PARD3: variants seen among roughly 807,000 people sequenced by gnomAD.
PARD3 encodes par-3 family cell polarity regulator.
Under a neutral mutation model 155.4 loss-of-function variants are expected in PARD3, and 75 were observed. The ratio of observed to expected loss-of-function variants is 0.48; its 90% CI spans 0.40 to 0.58. The LOEUF (loss-of-function observed/expected upper bound fraction) is 0.58. Ranked by LOEUF, PARD3 falls within the 20% of genes least tolerant of loss-of-function variation. PARD3 has a pLI of 0.00. For missense variants in PARD3, 1,642 were observed against 1,721.7 expected (o/e 0.95, Z 0.82); for synonymous variants, 576 against 610.5 (o/e 0.94, Z 0.83).
At chr10:34,548,702 C>T (rs1400432873) in intron 2 of PARD3, among the ~76,000 whole-genome samples, 5 of 151,932 alleles carry the variant, frequency 3.3e-5, no homozygotes, top group Non-Finnish European at 5.9e-5. Flanking sequence ...ACTTGCCATA[C>T]TTTTCTCTGA....
rs192130746 is a variant in PARD3 at position 34,274,966 on chromosome 10, C to T, written c.3177-5067G>A. 3.4e-3 allele frequency among the ~76,000 whole-genome samples: 518 copies of T among 152,224 alleles called. 3 individuals are homozygous for T. The highest frequency in any genetic ancestry group is 0.022 in the South Asian group (107 of 4,818). On this transcript the variant is annotated intron_variant, in intron 21 of 24. Transcript: ENST00000374788. ...TTCTGGATTTGAATATTCTTTTGTTCCAAATGACGCAGAAAATAATATTAA... is the reference window on the plus strand; with the variant it reads ...TTCTGGATTTGAATATTCTTTTGTTTCAAATGACGCAGAAAATAATATTAA...
chr10:34,287,769 T>A (rs1480420988), intron 20 of PARD3, among the ~76,000 whole-genome samples: 2 of 152,220 alleles, frequency 1.3e-5, no homozygotes, highest in African/African-American at 2.4e-5. Context: ...AAGAGTAGGT[T>A]CCTGATTCAT....
At chr10:34,803,876 G>C (rs2134356859) in intron 1 of PARD3, among the ~76,000 whole-genome samples, 1 of 152,098 alleles carries the variant, frequency 6.6e-6, no homozygotes, top group East Asian at 1.9e-4. Context: ...AGTTTCCTTG[G>C]AAAAAATATT....
intron 3 of PARD3, among the ~76,000 whole-genome samples, chr10:34,488,046 C>T (rs149942296): frequency 2.0e-5 from 3 of 152,178 alleles, no homozygotes; most frequent in South Asian, 2.1e-4. Flanking sequence ...TATATAAAAG[C>T]GTAATCTTTT....
intron 20 of PARD3, among the ~76,000 whole-genome samples, chr10:34,300,500 G>C (rs1957097117): frequency 6.6e-6 from 1 of 151,936 alleles, no homozygotes; most frequent in South Asian, 2.1e-4. Flanking sequence ...ACAAATAAAT[G>C]AATGAATGAA....
At chr10:34,166,841 G>GT (rs1305201793) in intron 22 of PARD3, among the ~76,000 whole-genome samples, 2 of 152,078 alleles carry the variant, frequency 1.3e-5, no homozygotes, top group African/African-American at 4.8e-5. Context: ...TGTAAGGTGT[G>GT]TTTTTTCCTC....
chr10:34,471,015 A>T (rs1377365471), intron 3 of PARD3, among the ~76,000 whole-genome samples: 1 of 152,216 alleles, frequency 6.6e-6, no homozygotes, highest in Non-Finnish European at 1.5e-5. Context: ...ATCAATTTTT[A>T]AAAATCTATA....
chr10:34,752,794 T>C (rs1836223255), intron 1 of PARD3, among the ~76,000 whole-genome samples: 1 of 152,214 alleles, frequency 6.6e-6, no homozygotes, highest in Non-Finnish European at 1.5e-5. Context: ...ATTTAGTAAT[T>C]AACAGAAGAC....
At chr10:34,526,831 G>T (rs187001412) in intron 2 of PARD3, among the ~76,000 whole-genome samples, 1 of 152,104 alleles carries the variant, frequency 6.6e-6, no homozygotes, top group Non-Finnish European at 1.5e-5. Context: ...ATCCAGTGTC[G>T]TCAGAAACAA....
intron 2 of PARD3, among the ~76,000 whole-genome samples, chr10:34,523,936 C>T (rs1268450261): frequency 6.6e-6 from 1 of 152,114 alleles, no homozygotes; most frequent in African/African-American, 2.4e-5. Context: ...TGCCCTTTCA[C>T]TCAAGGATGT....
Position 34,470,164 on chromosome 10 carries a change from T to C in PARD3, c.503A>G (p.Lys168Arg), listed in dbSNP as rs1274732628. ...SNFSSEEPSR[K>R]NPTRWSTTAG... is the part of the protein sequence containing the mutation. The stretch of plus-strand genomic sequence containing the variant: ...TGTTGTTGACCAGCGTGTGGGATTT[T>C]TCCTTGAAGGCTCTTCAGAGGAAAA... The change falls in exon 4 of 25, where the codon AAA (lysine) becomes AGA (arginine). Residue 168 changes from lysine to arginine, a missense_variant. Coordinates refer to ENST00000374788, the MANE Select transcript of PARD3 (RefSeq NM_001184785.2). 6.2e-7 allele frequency: 1 copy of C among 1,613,536 alleles called. No individual in the cohort carries two copies. Among genetic ancestry groups the C allele is most frequent in the Admixed American group, 1.7e-5 (1 of 59,956 alleles).
intron 5 of PARD3, among the ~76,000 whole-genome samples, chr10:34,407,743 G>C (rs12249175): frequency 0.023 from 3,457 of 152,046 alleles, 128 homozygotes; most frequent in African/African-American, 0.078. Flanking sequence ...TGAGACAGGG[G>C]GATCACTTGA....
At chr10:34,478,967 C>T (rs117151905) in intron 3 of PARD3, among the ~76,000 whole-genome samples, 3,251 of 152,150 alleles carry the variant, frequency 0.021, 61 homozygotes, top group Non-Finnish European at 0.032. Flanking sequence ...CTTCTAAACA[C>T]TCACCTGAGT....
intron 20 of PARD3, among the ~76,000 whole-genome samples, chr10:34,295,630 G>A (rs17555548): frequency 0.017 from 2,525 of 152,232 alleles, 26 homozygotes; most frequent in Middle Eastern, 0.051. Flanking sequence ...GCTTTTGCAG[G>A]ATATCATTAT....
chr10:34,569,427 A>G (rs751545374), intron 2 of PARD3, among the ~76,000 whole-genome samples: 1 of 151,980 alleles, frequency 6.6e-6, no homozygotes, highest in Non-Finnish European at 1.5e-5. Flanking sequence ...ATATATATAT[A>G]TTTTTTTGGA....
At chr10:34,199,746 C>T (rs189604155) in intron 22 of PARD3, among the ~76,000 whole-genome samples, 1 of 152,254 alleles carries the variant, frequency 6.6e-6, no homozygotes, top group East Asian at 1.9e-4. Flanking sequence ...GCAAGCTTTC[C>T]CTTCTGAGCA....
intron 3 of PARD3, among the ~76,000 whole-genome samples, chr10:34,486,996 A>C (rs561846656): frequency 1.4e-4 from 22 of 152,170 alleles, no homozygotes; most frequent in African/African-American, 5.1e-4. Context: ...TCCTCTACAA[A>C]GCACTCATGA....
At chr10:34,702,469 G>A (rs1377525638) in intron 1 of PARD3, among the ~76,000 whole-genome samples, 1 of 152,186 alleles carries the variant, frequency 6.6e-6, no homozygotes, top group South Asian at 2.1e-4. Context: ...AATGCTTCCA[G>A]AGAGCACAGT....
At chr10:34,325,163 C>A (rs1958613285) in intron 19 of PARD3, among the ~76,000 whole-genome samples, 1 of 152,108 alleles carries the variant, frequency 6.6e-6, no homozygotes, top group African/African-American at 2.4e-5. Context: ...GCATGCAGCA[C>A]CACGCCTGGC....
Sources: gnomAD v4.1 joint callset for allele counts (sites outside exome capture counted in the v4.1 genomes callset) on GRCh38, gnomAD v4.1.1 for gene constraint, MANE v1.5 for transcripts, NCBI Gene and HGNC (gene_info 2026-07-23, HGNC 2026-07-21) for gene names.